Variants in ALOX15B observed in about 807,000 individuals in gnomAD.
The protein encoded by ALOX15B is polyunsaturated fatty acid lipoxygenase ALOX15B.
ALOX15B carries 74 observed loss-of-function variants against 73.8 expected under a neutral mutation model. That is an observed-to-expected ratio of 1.00 (90% CI 0.83 to 1.22). ALOX15B has a LOEUF of 1.22. ALOX15B is among the 50% of genes most tolerant of loss of function. The pLI, the probability that ALOX15B is intolerant of heterozygous loss-of-function variation, is 0.00. For synonymous variants in ALOX15B, 353 were observed against 357.2 expected (o/e 0.99, Z 0.13); for missense variants, 896 against 859.9 (o/e 1.04, Z -0.52).
intron 10 of ALOX15B, 38 bp from the exon 11 acceptor site, chr17:8,047,220 G>A (rs11870212): frequency 2.0e-5 from 32 of 1,613,142 alleles, no homozygotes; most frequent in South Asian, 1.4e-4. Context: ...AGAGCGGGTC[G>A]GGGTTGGAGG....
Position 8,044,935 on chromosome 17 carries a change from C to A in ALOX15B, c.783C>A (p.Phe261Leu). 1.9e-6 allele frequency: 3 copies of A among 1,614,146 alleles called. No individual in the cohort carries two copies. Among genetic ancestry groups the A allele is most frequent in the East Asian group, 2.2e-5 (1 of 44,874 alleles). The change falls in exon 6 of 14, where the codon TTC (phenylalanine) becomes TTA (leucine). Residue 261 changes from phenylalanine (F) to leucine (L), a missense_variant. By Grantham distance (22) the Phe-to-Leu change is conservative (BLOSUM62 0). Transcript: ENST00000380183. ...GCTGTCACTACCTCCCAAAGAACTT[C>A]CCCGTCACTGATGCCATGGTGGCCT... ...IRRCHYLPKNFPVTDAMVASV... is the reference protein window; with the variant it reads ...IRRCHYLPKNLPVTDAMVASV...
At position 8,045,535 on chromosome 17, in the gene ALOX15B, A is replaced by G. The variant is rs375349923; in HGVS notation, c.1049A>G (p.Lys350Arg). 96 of 1,614,026 alleles carry G rather than the reference A, an allele frequency of 5.9e-5. No individual in the cohort carries two copies. The highest frequency in any genetic ancestry group is 7.8e-5 in the Non-Finnish European group (92 of 1,180,028). Residue 350 changes from lysine to arginine, a missense_variant, in exon 8 of 14, where the codon AAG becomes AGG. Lys to Arg is a conservative substitution (Grantham distance 26). Coordinates refer to ENST00000380183, the MANE Select transcript of ALOX15B (RefSeq NM_001141.3). ...CCCATCTTCCTGCCCACTGATGACA[A>G]GTGGGACTGGTTGCTGGCCAAGACC... ...NSPIFLPTDD[K>R]WDWLLAKTWV... is the part of the protein sequence containing the mutation.
intron 5 of ALOX15B, among the ~76,000 whole-genome samples, chr17:8,043,677 AG>A (rs1331001867): frequency 1.3e-5 from 2 of 152,120 alleles, no homozygotes; most frequent in Non-Finnish European, 1.5e-5. Context: ...GGCCTCAGCA[AG>A]GCAGTGGCAA....
In ALOX15B at chr17:8,045,376, G is replaced by A. The variant is rs200221058; in HGVS notation, c.988G>A (p.Ala330Thr). 1.6e-4 allele frequency: 257 copies of A among 1,613,908 alleles called. No homozygotes were observed. The highest frequency in any genetic ancestry group is 2.7e-4 in the Admixed American group (16 of 60,022). ...SPGCGPLLPLAIQLSQTPGPN... is the reference protein window; with the variant it reads ...SPGCGPLLPLTIQLSQTPGPN... ...AGGCTGCGGGCCGCTGCTGCCTCTC[G>A]CCATCCAGGTATGCAGTCAGGCAGG... The change falls in exon 7 of 14, where the codon GCC becomes ACC. Residue 330 changes from alanine to threonine, a missense_variant. Ala to Thr is a moderately conservative substitution (Grantham distance 58). Coordinates refer to ENST00000380183, the MANE Select transcript of ALOX15B (RefSeq NM_001141.3).
rs200945787 is a variant in ALOX15B at position 8,040,652 on chromosome 17, A to AAAGAAAGAAAGAAAGAAAG, written c.449+671_449+672insGAAAGAAAGAAAGAAAGAA. Among the ~76,000 whole-genome samples, 43 of 96,974 alleles carry AAAGAAAGAAAGAAAGAAAG rather than the reference A, an allele frequency of 4.4e-4. 1 individual carries two copies. The highest frequency in any genetic ancestry group is 1.9e-3 in the East Asian group (6 of 3,214). The allele number at this position is 96,974 out of a possible 152,430, so 63.6% of individuals were successfully genotyped here. On this transcript the variant is annotated intron_variant, in intron 3 of 13. Transcript: ENST00000380183. ...GAAAGAAAGAAAGAAAGAAAGAAAG[A>AAAGAAAGAAAGAAAGAAAG]AAAGAAAGAGAAAGAAACTGCTTTA...
In ALOX15B at chr17:8,039,622, G is replaced by A; in HGVS notation, c.367+17G>A. ...AGGGTACAGGTGAGGGGCGGGCCGGGCTGGGGCTGCAGGGGGAGCACAGGA... is the reference window on the plus strand; with the variant it reads ...AGGGTACAGGTGAGGGGCGGGCCGGACTGGGGCTGCAGGGGGAGCACAGGA... On this transcript the variant is annotated intron_variant, in intron 2 of 13. Transcript: ENST00000380183. The A allele has an allele frequency of 1.7e-6, 2 of 1,171,778 alleles. No individual in the cohort carries two copies. The highest frequency in any genetic ancestry group is 2.4e-6 in the Non-Finnish European group (2 of 825,180). The allele number at this position is 1,171,778 out of a possible 1,614,324, so 72.6% of individuals were successfully genotyped here. A position where few individuals can be genotyped will look rare whatever the true frequency, so the allele number is the denominator to read the frequency against.
chr17:8,043,919 C>G (rs1976528131), intron 5 of ALOX15B, among the ~76,000 whole-genome samples: 1 of 151,982 alleles, frequency 6.6e-6, no homozygotes, highest in Non-Finnish European at 1.5e-5. Flanking sequence ...AAATACAAAA[C>G]TTAGCCAGGT....
At chr17:8,048,092 G>T (rs1175436197) in intron 13 of ALOX15B, among the ~76,000 whole-genome samples, 177 bp downstream of exon 13, 1 of 152,232 alleles carries the variant, frequency 6.6e-6, no homozygotes, top group African/African-American at 2.4e-5. Context: ...ATGGCCAAAT[G>T]CGATGATGCG....
chr17:8,044,945 G>T lies in ALOX15B; in HGVS notation c.793G>T (p.Asp265Tyr). The T allele has an allele frequency of 6.2e-7, 1 of 1,614,136 alleles. No individual in the cohort carries two copies. The highest frequency in any genetic ancestry group is 8.5e-7 in the Non-Finnish European group (1 of 1,180,010). ...CCTCCCAAAGAACTTCCCCGTCACT[G>T]ATGCCATGGTGGCCTCAGTGTTGGG... ...HYLPKNFPVT[D>Y]AMVASVLGPG... Residue 265 changes from aspartate to tyrosine, a missense_variant, in exon 6 of 14, where the codon GAT becomes TAT. Transcript: ENST00000380183.
intron 4 of ALOX15B, 118 bp downstream of exon 4, chr17:8,042,609 G>A (rs1396912044): frequency 1.4e-6 from 2 of 1,452,076 alleles, no homozygotes; most frequent in Non-Finnish European, 1.9e-6. Flanking sequence ...GTCCTGCCCA[G>A]GAAACAGCCT....
Position 8,040,042 on chromosome 17 carries a change from T to C in ALOX15B, c.449+59T>C. ...CCCAAACGATGAGGGGCAGCTTGAGTGTCCTGGTCATGACAGAGATTAAAA... is the reference window on the plus strand; with the variant it reads ...CCCAAACGATGAGGGGCAGCTTGAGCGTCCTGGTCATGACAGAGATTAAAA... On this transcript the variant is annotated intron_variant, in intron 3 of 13. Transcript: ENST00000380183. 2 of 1,532,862 alleles carry C rather than the reference T, an allele frequency of 1.3e-6. 1 individual carries two copies. The highest frequency in any genetic ancestry group is 1.8e-6 in the Non-Finnish European group (2 of 1,113,934). 95.0% of individuals were successfully genotyped at this position (1,532,862 alleles called of 1,614,324 possible).
At chr17:8,040,583 AAG>A (rs1464733509) in intron 3 of ALOX15B, among the ~76,000 whole-genome samples, 1 of 121,924 alleles carries the variant, frequency 8.2e-6, no homozygotes, top group Non-Finnish European at 1.7e-5. Context: ...AAAGGAAGGA[AAG>A]AGAGAAAGAA....
chr17:8,043,344 G>T (rs1465330896), intron 5 of ALOX15B, among the ~76,000 whole-genome samples: 3 of 152,226 alleles, frequency 2.0e-5, no homozygotes, highest in Non-Finnish European at 4.4e-5. Context: ...CAGTGCCAAG[G>T]ATGGGCCGTG....
rs1976682525 is a variant in ALOX15B at position 8,048,714 on chromosome 17, A to G, written c.*149A>G. The G allele has an allele frequency of 4.1e-6, 3 of 733,688 alleles. No individual in the cohort carries two copies. The highest frequency in any genetic ancestry group is 6.4e-6 in the Non-Finnish European group (3 of 471,656). 45.4% of individuals were successfully genotyped at this position (733,688 alleles called of 1,614,324 possible). On this transcript the variant is annotated 3_prime_UTR_variant, in exon 14 of 14. Transcript: ENST00000380183. ...GACTCTGTAACTCACCCCCACCACC[A>G]TACACACACACAAAAACAGAAACAA...
chr17:8,044,844 A>G lies in ALOX15B; in HGVS notation c.692A>G (p.His231Arg), dbSNP rs1567971572. 5.7e-6 allele frequency: 9 copies of G among 1,582,620 alleles called. No homozygotes were observed. Among genetic ancestry groups the G allele is most frequent in the Non-Finnish European group, 7.7e-6 (9 of 1,162,404 alleles). The change falls in exon 6 of 14, where the codon CAC (histidine) becomes CGC (arginine). Residue 231 changes from histidine (H) to arginine (R), a missense_variant. His to Arg is a conservative substitution (Grantham distance 29). Coordinates refer to ENST00000380183, the MANE Select transcript of ALOX15B (RefSeq NM_001141.3). ...CCCCCTGCAGAGCACGCATTTGAGCACTGGCAGGAGGACGCCTTCTTCGCC... is the reference window on the plus strand; with the variant it reads ...CCCCCTGCAGAGCACGCATTTGAGCGCTGGCAGGAGGACGCCTTCTTCGCC... ...RTPAAEHAFE[H>R]WQEDAFFASQ...
intron 3 of ALOX15B, among the ~76,000 whole-genome samples, chr17:8,040,334 C>T (rs1004216152): frequency 6.6e-6 from 1 of 151,842 alleles, no homozygotes; most frequent in African/African-American, 2.4e-5. Flanking sequence ...CACTGGAGGT[C>T]GGGAGTTCGA....
In ALOX15B at chr17:8,048,922, T is replaced by G; in HGVS notation, c.*357T>G. The G allele has an allele frequency of 5.7e-6, 1 of 174,808 alleles. No individual in the cohort carries two copies. Among genetic ancestry groups the G allele is most frequent in the Non-Finnish European group, 1.2e-5 (1 of 82,488 alleles). 10.8% of individuals were successfully genotyped at this position (174,808 alleles called of 1,614,324 possible). On this transcript the variant is annotated 3_prime_UTR_variant, in exon 14 of 14. Transcript: ENST00000380183. ...CACATAATCCCGCCCCAGGGCCCAC[T>G]AGCATCCACTGATTGGACCTTATGG...
Position 8,042,408 on chromosome 17 carries a change from T to A in ALOX15B, c.489T>A (p.Asp163Glu), listed in dbSNP as rs143947647. Residue 163 changes from aspartate to glutamate, a missense_variant, in exon 4 of 14, where the codon GAT becomes GAA. Coordinates refer to ENST00000380183, the MANE Select transcript of ALOX15B (RefSeq NM_001141.3). ...ACCCAGGTTGGCCTCACTGCCTGGATGAAAAGACAGTGGAAGACTTGGAGC... is the reference window on the plus strand; with the variant it reads ...ACCCAGGTTGGCCTCACTGCCTGGAAGAAAAGACAGTGGAAGACTTGGAGC... ...AYNPGWPHCL[D>E]EKTVEDLELN... 2.0e-5 allele frequency: 32 copies of A among 1,614,002 alleles called. No homozygotes were observed. The African/African-American group carries it at 4.0e-4, about 20-fold the overall frequency.
Position 8,042,386 on chromosome 17 carries a change from C to G in ALOX15B, c.467C>G (p.Pro156Arg). The G allele has an allele frequency of 6.2e-7, 1 of 1,614,074 alleles. No homozygotes were observed. The highest frequency in any genetic ancestry group is 8.5e-7 in the Non-Finnish European group (1 of 1,180,014). ...QEMYQWKAYN[P>R]GWPHCLDEKT... ...CCCTCCAGGTGGAAGGCTTACAACC[C>G]AGGTTGGCCTCACTGCCTGGATGAA... The change falls in exon 4 of 14, where the codon CCA becomes CGA. Residue 156 changes from proline to arginine, a missense_variant. By Grantham distance (103) the Pro-to-Arg change is moderately radical. Transcript: ENST00000380183.
Sources: gnomAD v4.1 joint callset for allele counts (sites outside exome capture counted in the v4.1 genomes callset) on GRCh38, gnomAD v4.1.1 for gene constraint, MANE v1.5 for transcripts, NCBI Gene and HGNC (gene_info 2026-07-23, HGNC 2026-07-21) for gene names.